UBASH3A: variants seen among roughly 807,000 people sequenced by gnomAD.
UBASH3A encodes ubiquitin associated and SH3 domain containing A, also known as ubiquitin-associated and SH3 domain-containing protein A.
In UBASH3A, 63 loss-of-function variants were observed where a neutral mutation model predicts 73.5. That is an observed-to-expected ratio of 0.86 (90% CI 0.70 to 1.06). The LOEUF is 1.06. Ranked by LOEUF, UBASH3A falls within the 50% of genes least tolerant of loss-of-function variation. The probability of loss-of-function intolerance (pLI) is 0.00; values close to 1 mark genes in which losing one functional copy is unlikely to be tolerated. For synonymous variants in UBASH3A, 363 were observed against 351.1 expected (o/e 1.03, Z -0.38); for missense variants, 860 against 859.0 (o/e 1.00, Z -0.02).
intron 9 of UBASH3A, among the ~76,000 whole-genome samples, chr21:42,434,139 T>C (rs566204507): frequency 6.6e-6 from 1 of 152,282 alleles, no homozygotes; most frequent in East Asian, 1.9e-4. Flanking sequence ...CTCTGGGCTA[T>C]GGGTGTTACC....
At chr21:42,422,457 G>T (rs1418780070) in intron 7 of UBASH3A, among the ~76,000 whole-genome samples, 8 of 152,168 alleles carry the variant, frequency 5.3e-5, no homozygotes, top group Non-Finnish European at 1.2e-4. Flanking sequence ...CCATTTTATA[G>T]TTGATGAAAC....
chr21:42,409,022 T>C (rs1183987387), intron 2 of UBASH3A, among the ~76,000 whole-genome samples: 5 of 152,226 alleles, frequency 3.3e-5, no homozygotes, highest in Admixed American at 2.6e-4. Flanking sequence ...GGTTTTTATA[T>C]GTAATTTGAA....
At chr21:42,445,920 C>A (rs995077344) in intron 14 of UBASH3A, among the ~76,000 whole-genome samples, 3 of 152,174 alleles carry the variant, frequency 2.0e-5, no homozygotes, top group South Asian at 2.1e-4. Flanking sequence ...CCCGGCACCA[C>A]CTGCTCCCAA....
chr21:42,433,075 C>T (rs1568932088), intron 9 of UBASH3A, among the ~76,000 whole-genome samples: 1 of 151,958 alleles, frequency 6.6e-6, no homozygotes, highest in Non-Finnish European at 1.5e-5. Context: ...ACAATCAACA[C>T]CAAAAATAGT....
chr21:42,438,233 G>A (rs2053663591), intron 11 of UBASH3A, among the ~76,000 whole-genome samples: 1 of 152,212 alleles, frequency 6.6e-6, no homozygotes, highest in South Asian at 2.1e-4. Context: ...TCGCCTCCAT[G>A]GTGACAAGGG....
At chr21:42,416,758 C>T in intron 6 of UBASH3A, 147 bp downstream of exon 6, 1 of 805,062 alleles carries the variant, frequency 1.2e-6, no homozygotes, top group East Asian at 3.6e-5. Context: ...ATGGTGAAAC[C>T]TCGTCTCTAC....
intron 6 of UBASH3A, among the ~76,000 whole-genome samples, chr21:42,417,878 CTTTTTTT>C (rs796939696): frequency 2.4e-3 from 220 of 90,638 alleles, no homozygotes; most frequent in Non-Finnish European, 3.6e-3. Flanking sequence ...TTCTTTTTTT[CTTTTTTT>C]TTTTTTTTTT....
intron 7 of UBASH3A, among the ~76,000 whole-genome samples, chr21:42,419,626 T>A (rs910611326): frequency 6.6e-6 from 1 of 152,250 alleles, no homozygotes; most frequent in African/African-American, 2.4e-5. Context: ...TCTGCTGTGC[T>A]ACTCAAAAGT....
In UBASH3A at chr21:42,413,877, C is replaced by T. The variant is rs117339015; in HGVS notation, c.667+354C>T. ...ATCAAAATTCCCTTCTCTCCAAACA[C>T]CAGCCCTGGCCTGGAGACCAAGGCT... On this transcript the variant is annotated intron_variant, in intron 5 of 14. Transcript: ENST00000319294. This position sits in a 1 kb window ranked among gnomAD's most constrained non-coding sequence, Gnocchi z 4.5. Among the ~76,000 whole-genome samples the T allele has an allele frequency of 1.3e-5, 2 of 152,324 alleles. No homozygotes were observed. The highest frequency in any genetic ancestry group is 2.4e-5 in the African/African-American group (1 of 41,558).
chr21:42,410,164 C>T (rs1207682359), intron 3 of UBASH3A: 14 of 701,956 alleles, frequency 2.0e-5, no homozygotes, highest in Non-Finnish European at 3.6e-5. Context: ...GGTAGCTCCA[C>T]AGCAAAACAC....
intron 11 of UBASH3A, 158 bp downstream of exon 11, chr21:42,437,738 G>A (rs569819619): frequency 2.9e-6 from 2 of 679,544 alleles, no homozygotes; most frequent in South Asian, 1.7e-5. Context: ...AAGGATGCTG[G>A]CAGGCATGCT....
chr21:42,433,503 T>G (rs1421984751), intron 9 of UBASH3A, among the ~76,000 whole-genome samples: 1 of 152,192 alleles, frequency 6.6e-6, no homozygotes, highest in East Asian at 1.9e-4. Flanking sequence ...TGTCCTCTCC[T>G]GAGCTCTGCC....
At chr21:42,408,966 A>G (rs1373588316) in intron 2 of UBASH3A, among the ~76,000 whole-genome samples, 1 of 151,404 alleles carries the variant, frequency 6.6e-6, no homozygotes, top group Non-Finnish European at 1.5e-5. Flanking sequence ...GTCTGAATCT[A>G]AAGAAACGCA....
intron 10 of UBASH3A, 93 bp from the exon 11 acceptor site, chr21:42,437,395 G>T: frequency 8.4e-7 from 1 of 1,197,208 alleles, no homozygotes; most frequent in South Asian, 1.3e-5. Flanking sequence ...GGCCCTTTGA[G>T]GACCCTGCCT....
Position 42,418,435 on chromosome 21 carries a change from A to G in UBASH3A, c.872A>G (p.Asn291Ser), listed in dbSNP as rs2053266292. ...LRALFQYKPQ[N>S]VDELTLSPGD... The stretch of plus-strand genomic sequence containing the variant: ...GCCCTATTCCAGTACAAACCCCAGA[A>G]CGTGGATGAGCTGACGCTAAGTCCT... The change falls in exon 7 of 15, where the codon AAC becomes AGC. Residue 291 changes from asparagine to serine, a missense_variant. Physicochemically the swap from Asn to Ser is conservative, Grantham distance 46. Coordinates refer to ENST00000319294, the MANE Select transcript of UBASH3A (RefSeq NM_018961.4). 7 of 1,614,160 alleles carry G rather than the reference A, an allele frequency of 4.3e-6. No homozygotes were observed. Among genetic ancestry groups the G allele is most frequent in the Non-Finnish European group, 5.9e-6 (7 of 1,180,024 alleles).
At position 42,447,276 on chromosome 21, in the gene UBASH3A, A is replaced by G; in HGVS notation, c.*82A>G. ...GGCTGGGAGATGCTGCTGTTTCCAG[A>G]GGCGTCTTAGTCTCACCCAATGTGA... On this transcript the variant is annotated 3_prime_UTR_variant, in exon 15 of 15. Coordinates refer to ENST00000319294, the MANE Select transcript of UBASH3A (RefSeq NM_018961.4). 6.9e-7 allele frequency: 1 copy of G among 1,446,056 alleles called. No homozygotes were observed. Among genetic ancestry groups the G allele is most frequent in the Non-Finnish European group, 9.4e-7 (1 of 1,061,912 alleles). The allele number at this position is 1,446,056 out of a possible 1,614,324, so 89.6% of individuals were successfully genotyped here. A position where few individuals can be genotyped will look rare whatever the true frequency, so the allele number is the denominator to read the frequency against.
intron 9 of UBASH3A, 79 bp downstream of exon 9, chr21:42,432,281 A>G: frequency 1.1e-6 from 1 of 926,700 alleles, no homozygotes; most frequent in Non-Finnish European, 1.7e-6. Flanking sequence ...ATGACCTTAC[A>G]TGGCACCAGA....
Position 42,413,516 on chromosome 21 carries a change from T to TA in UBASH3A, c.660_661insA (p.Gln221ThrfsTer74), listed in dbSNP as rs2053143744. On this transcript the variant is annotated frameshift_variant, in exon 5 of 15. Coordinates refer to ENST00000319294, the MANE Select transcript of UBASH3A (RefSeq NM_018961.4). LOFTEE classifies it high-confidence loss of function. This position sits in a 1 kb window ranked among gnomAD's most constrained non-coding sequence, Gnocchi z 4.5. Reference sequence around the variant, plus strand: ...CCTCCTTCGTGAGCCACTACATCCTTCAAAAATGTAAGCCATTAGAAAGCT... The same window carrying TA: ...CCTCCTTCGTGAGCCACTACATCCTTACAAAAATGTAAGCCATTAGAAAGCT... 6.2e-7 allele frequency: 1 copy of TA among 1,612,192 alleles called. No individual in the cohort carries two copies. Among genetic ancestry groups the TA allele is most frequent in the Admixed American group, 1.7e-5 (1 of 59,874 alleles).
At position 42,413,497 on chromosome 21, in the gene UBASH3A, T is replaced by G. The variant is rs752841622; in HGVS notation, c.641T>G (p.Phe214Cys). Residue 214 changes from phenylalanine to cysteine, a missense_variant, in exon 5 of 15, where the codon TTC (phenylalanine) becomes TGC (cysteine). Physicochemically the swap from Phe to Cys is radical, Grantham distance 205 (BLOSUM62 -2). Coordinates refer to ENST00000319294, the MANE Select transcript of UBASH3A (RefSeq NM_018961.4). The surrounding 1 kb of genome is among the most constrained non-coding windows in gnomAD (Gnocchi z 4.5). The part of the protein sequence containing the change: ...LRLSNLTRAS[F>C]VSHYILQKYC... ...CTGAGCAATTTAACTAGAGCCTCCTTCGTGAGCCACTACATCCTTCAAAAA... is the reference window on the plus strand; with the variant it reads ...CTGAGCAATTTAACTAGAGCCTCCTGCGTGAGCCACTACATCCTTCAAAAA... The G allele has an allele frequency of 6.2e-7, 1 of 1,614,008 alleles. No individual in the cohort carries two copies. Among genetic ancestry groups the G allele is most frequent in the Admixed American group, 1.7e-5 (1 of 60,008 alleles).
Sources: allele counts gnomAD v4.1 joint callset (sites outside exome capture counted in the v4.1 genomes callset), GRCh38; gene constraint gnomAD v4.1.1; non-coding constraint Gnocchi (gnomAD v3.1); transcripts MANE v1.5; gene names NCBI Gene and HGNC (gene_info 2026-07-23, HGNC 2026-07-21).